The following MGST1 variants were observed in gnomAD, a reference collection of about 807,000 sequenced individuals.
MGST1 encodes microsomal glutathione S-transferase 1, also known as glutathione S-transferase 12.
MGST1 carries 5 observed loss-of-function variants against 8.9 expected under a neutral mutation model. The observed-to-expected ratio is 0.56, with a 90% CI of 0.29 to 1.19. The LOEUF is 1.19. Among genes scored for constraint, MGST1 ranks in the 50% most tolerant of loss-of-function variants. The pLI is 0.08. For missense variants in MGST1, 182 were observed against 187.4 expected, an observed-to-expected ratio of 0.97 and a Z score of 0.17; for synonymous variants, 54 against 67.8, an observed-to-expected ratio of 0.80 and a Z score of 1.00.
chr12:16,566,857 G>A (rs535514724), intron 4 of MGST1, among the ~76,000 whole-genome samples: 5 of 152,220 alleles, frequency 3.3e-5, no homozygotes, highest in Non-Finnish European at 7.4e-5. Context: ...GAATGAAAAG[G>A]AAAGAGAAGA....
chr12:16,545,641 G>A (rs759167309), intron 4 of MGST1, among the ~76,000 whole-genome samples: 1 of 151,830 alleles, frequency 6.6e-6, no homozygotes, highest in Non-Finnish European at 1.5e-5. Context: ...CCCTCACGTC[G>A]ATGCTGACCA....
At chr12:16,430,363 G>A (rs1940926990) in intron 1 of MGST1, among the ~76,000 whole-genome samples, 1 of 152,150 alleles carries the variant, frequency 6.6e-6, no homozygotes, top group African/African-American at 2.4e-5. Context: ...TTAGAAAGAT[G>A]AATCTTTTCT....
intron 1 of MGST1, among the ~76,000 whole-genome samples, chr12:16,418,777 A>G (rs1182754436): frequency 6.6e-6 from 1 of 152,162 alleles, no homozygotes; most frequent in African/African-American, 2.4e-5. Context: ...TACACTTGGG[A>G]ATAAATAAAA....
At chr12:16,562,130 C>T (rs891205683) in intron 4 of MGST1, among the ~76,000 whole-genome samples, 3 of 152,132 alleles carry the variant, frequency 2.0e-5, no homozygotes, top group Admixed American at 2.0e-4. Context: ...CTACTGGCAT[C>T]ATCAAAAATG....
In MGST1 at chr12:16,546,446, A is replaced by G. The variant is rs913195653; in HGVS notation, n.483-43082A>G. ...TGTGTAAAAAGTGCAGAGAATTCCAATTCACTTTTGAATGTAATGATCTGA... is the reference window on the plus strand; with the variant it reads ...TGTGTAAAAAGTGCAGAGAATTCCAGTTCACTTTTGAATGTAATGATCTGA... On this transcript the variant is annotated intron_variant and non_coding_transcript_variant, in intron 4 of 4. Coordinates refer to the MGST1 transcript ENST00000538857. This position sits in a 1 kb window ranked among gnomAD's most constrained non-coding sequence, Gnocchi z 4.7. Among the ~76,000 whole-genome samples, 1 of 152,130 alleles carries G rather than the reference A, an allele frequency of 6.6e-6. No individual in the cohort carries two copies. The highest frequency in any genetic ancestry group is 2.4e-5 in the African/African-American group (1 of 41,438).
chr12:16,476,620 T>C (rs1460771114), intron 4 of MGST1, among the ~76,000 whole-genome samples: 1 of 152,200 alleles, frequency 6.6e-6, no homozygotes, highest in African/African-American at 2.4e-5. Flanking sequence ...GTTAAACATA[T>C]TGGTTAAATA....
intron 2 of MGST1, among the ~76,000 whole-genome samples, chr12:16,356,307 A>C (rs1464224827): frequency 1.3e-5 from 2 of 152,150 alleles, no homozygotes; most frequent in South Asian, 4.1e-4. Flanking sequence ...ATTGTAATAC[A>C]TTTATTTCTT....
intron 1 of MGST1, among the ~76,000 whole-genome samples, chr12:16,349,374 G>C (rs1013030838): frequency 2.6e-5 from 4 of 152,060 alleles, no homozygotes; most frequent in East Asian, 3.9e-4. Context: ...CGGGGGTTTG[G>C]GGGGAGGGGT....
Position 16,559,133 on chromosome 12 carries a change from A to G in MGST1, n.483-30395A>G, listed in dbSNP as rs1163913317. Among the ~76,000 whole-genome samples the G allele has an allele frequency of 6.6e-6, 1 of 152,196 alleles. No individual in the cohort carries two copies. The highest frequency in any genetic ancestry group is 2.4e-5 in the African/African-American group (1 of 41,456). Reference sequence around the variant, plus strand: ...AATAACTGAGAACTTGATGCAACTAATATTTATTGATTATATACTCTGCCA... The same window carrying G: ...AATAACTGAGAACTTGATGCAACTAGTATTTATTGATTATATACTCTGCCA... On this transcript the variant is annotated intron_variant and non_coding_transcript_variant, in intron 4 of 4. Transcript: ENST00000538857. This position sits in a 1 kb window ranked among gnomAD's most constrained non-coding sequence, Gnocchi z 4.1.
chr12:16,428,928 T>C (rs1940915891), intron 1 of MGST1, among the ~76,000 whole-genome samples: 1 of 152,056 alleles, frequency 6.6e-6, no homozygotes, highest in Non-Finnish European at 1.5e-5. Context: ...TGTAGCCATC[T>C]TTTTTTGTGC....
intron 4 of MGST1, among the ~76,000 whole-genome samples, chr12:16,490,586 G>A (rs1008969207): frequency 1.3e-5 from 2 of 152,104 alleles, no homozygotes; most frequent in Admixed American, 6.5e-5. Flanking sequence ...ATTCTGTACT[G>A]TATGCCAAGT....
At chr12:16,541,053 A>G (rs1565471928) in intron 4 of MGST1, among the ~76,000 whole-genome samples, 1 of 152,224 alleles carries the variant, frequency 6.6e-6, no homozygotes, top group Non-Finnish European at 1.5e-5. Context: ...TAGGGAAAAG[A>G]ATGAAGTGGC....
chr12:16,484,108 G>T (rs1941383464), intron 4 of MGST1, among the ~76,000 whole-genome samples: 1 of 152,156 alleles, frequency 6.6e-6, no homozygotes, highest in Non-Finnish European at 1.5e-5. Context: ...ACCCTTGTCA[G>T]ACTCCCTTGC....
At chr12:16,523,867 A>T (rs1476144432) in intron 4 of MGST1, among the ~76,000 whole-genome samples, 1 of 152,120 alleles carries the variant, frequency 6.6e-6, no homozygotes, top group African/African-American at 2.4e-5. Context: ...TAGAATAAGC[A>T]TATTGTCCGG....
intron 4 of MGST1, chr12:16,573,713 T>G (rs572217920): frequency 6.6e-6 from 1 of 152,312 alleles, no homozygotes; most frequent in South Asian, 2.1e-4. Context: ...TTTCTCACCC[T>G]AATGACCCCT....
intron 4 of MGST1, among the ~76,000 whole-genome samples, chr12:16,451,640 A>G (rs545842518): frequency 6.6e-6 from 1 of 152,034 alleles, no homozygotes; most frequent in South Asian, 2.1e-4. Context: ...ACTATATGAT[A>G]TACAGATCAC....
At position 16,544,227 on chromosome 12, in the gene MGST1, C is replaced by CACAG. The variant is rs1941809966; in HGVS notation, n.483-45298_483-45297insGACA. On this transcript the variant is annotated intron_variant and non_coding_transcript_variant, in intron 4 of 4. Coordinates refer to the MGST1 transcript ENST00000538857. This position sits in a 1 kb window ranked among gnomAD's most constrained non-coding sequence, Gnocchi z 4.8. ...TGACACCTTAAGTAAGAACTACACA[C>CACAG]ACACACACACACACACACACACACA... Among the ~76,000 whole-genome samples, 1 of 107,842 alleles carries CACAG rather than the reference C, an allele frequency of 9.3e-6. No individual in the cohort carries two copies. Among genetic ancestry groups the CACAG allele is most frequent in the Admixed American group, 9.0e-5 (1 of 11,082 alleles). The allele number at this position is 107,842 out of a possible 152,430, so 70.7% of individuals were successfully genotyped here.
chr12:16,560,677 G>T lies in MGST1; in HGVS notation n.483-28851G>T. 1 of 722,630 alleles carries T rather than the reference G, an allele frequency of 1.4e-6. No homozygotes were observed. The highest frequency in any genetic ancestry group is 2.3e-6 in the Non-Finnish European group (1 of 432,078). 44.8% of individuals were successfully genotyped at this position (722,630 alleles called of 1,614,324 possible). On this transcript the variant is annotated intron_variant and non_coding_transcript_variant, in intron 4 of 4. Coordinates refer to the MGST1 transcript ENST00000538857. The surrounding 1 kb of genome is among the most constrained non-coding windows in gnomAD (Gnocchi z 5.0). ...TGTACACAAGTGGATTTTATCCTAG[G>T]TGTATGCATAAATATTCTTCTGCAA...
downstream of MGST1, chr12:16,377,228 G>A (rs1423409739): frequency 1.3e-5 from 2 of 151,688 alleles, no homozygotes; most frequent in East Asian, 3.9e-4. Context: ...CATGTGCCAT[G>A]TTGGTGTGCT....
Sources: gnomAD v4.1 joint callset for allele counts (sites outside exome capture counted in the v4.1 genomes callset) on GRCh38, gnomAD v4.1.1 for gene constraint, Gnocchi (gnomAD v3.1) non-coding constraint, MANE v1.5 for transcripts, NCBI Gene and HGNC (gene_info 2026-07-23, HGNC 2026-07-21) for gene names.